The following SUPV3L1 variants were observed in gnomAD, a reference collection of about 807,000 sequenced individuals.
SUPV3L1 encodes ATP-dependent RNA helicase SUPV3L1, mitochondrial.
In SUPV3L1, 35 loss-of-function variants were observed where a neutral mutation model predicts 70.0. The ratio of observed to expected loss-of-function variants is 0.50; its 90% CI spans 0.38 to 0.66. SUPV3L1 has a LOEUF of 0.66. Among genes scored for constraint, SUPV3L1 ranks in the 30% least tolerant of loss-of-function variants. The pLI is 0.00. For synonymous variants in SUPV3L1, 364 were observed against 341.9 expected (o/e 1.06, Z -0.71); for missense variants, 777 against 961.5 (o/e 0.81, Z 2.54).
rs145694972 is a variant in SUPV3L1, at chr10:69,185,851, G to T, written c.272-136G>T. 17 of 735,784 alleles carry T rather than the reference G, an allele frequency of 2.3e-5. No homozygotes were observed. The East Asian group carries it at 3.2e-4, about 14-fold the overall frequency. The allele number at this position is 735,784 out of a possible 1,614,324, so 45.6% of individuals were successfully genotyped here. On this transcript the variant is annotated intron_variant, in intron 1 of 14. Transcript: ENST00000359655. ...CATCGCATATGAATTCATAAAGAAG[G>T]ATCGACTAAAACCTTCTAGTTCTTG...
chr10:69,198,696 T>C, intron 9 of SUPV3L1, 144 bp downstream of exon 9: 1 of 744,930 alleles, frequency 1.3e-6, no homozygotes, highest in Non-Finnish European at 2.1e-6. Flanking sequence ...ATAAAATAAA[T>C]AATTTTCTAT....
At chr10:69,184,637 A>ACACACACACG (rs1842165885) in intron 1 of SUPV3L1, among the ~76,000 whole-genome samples, 1 of 151,654 alleles carries the variant, frequency 6.6e-6, no homozygotes. Context: ...ACACACACAC[A>ACACACACACG]CACACACACA....
intron 1 of SUPV3L1, chr10:69,182,745 G>T (rs1045102734): frequency 1.2e-5 from 11 of 903,376 alleles, no homozygotes; most frequent in Admixed American, 1.2e-4. Flanking sequence ...TACAGAAGAT[G>T]GTGCATTACT....
At chr10:69,189,187 G>A (rs562053236) in intron 4 of SUPV3L1, 80 bp from the exon 5 acceptor site, 37 of 1,431,390 alleles carry the variant, frequency 2.6e-5, no homozygotes, top group Non-Finnish European at 3.3e-5. Context: ...TATTTCATTT[G>A]GAATTTGTTT....
intron 11 of SUPV3L1, among the ~76,000 whole-genome samples, chr10:69,200,759 C>T (rs1842662959): frequency 6.6e-6 from 1 of 152,148 alleles, no homozygotes; most frequent in Non-Finnish European, 1.5e-5. Flanking sequence ...TTACTTCCTT[C>T]CGGAATCTAG....
chr10:69,202,024 A>G (rs901532645), intron 11 of SUPV3L1, among the ~76,000 whole-genome samples: 1 of 150,830 alleles, frequency 6.6e-6, no homozygotes, highest in Admixed American at 6.6e-5. Context: ...CATTTTTAGT[A>G]GAGACGGGGT....
In SUPV3L1 at chr10:69,208,965, A is replaced by G. The variant is rs1357835527; in HGVS notation, c.2291A>G (p.Lys764Arg). ...ATGACACAACAAACTGAACACAACA[A>G]AGAAAAAACAGAGTCTGGGACTCAT... The part of the protein sequence containing the change: ...EWMTQQTEHN[K>R]EKTESGTHPK... The change falls in exon 15 of 15, where the codon AAA becomes AGA. Residue 764 changes from lysine (K) to arginine (R), a missense_variant. Transcript: ENST00000359655. 2 of 1,614,164 alleles carry G rather than the reference A, an allele frequency of 1.2e-6. No homozygotes were observed. Among genetic ancestry groups the G allele is most frequent in the Admixed American group, 3.3e-5 (2 of 60,024 alleles).
chr10:69,195,331 G>C, intron 7 of SUPV3L1, 66 bp downstream of exon 7: 1 of 1,257,354 alleles, frequency 8.0e-7, no homozygotes, highest in African/African-American at 1.5e-5. Context: ...ATTTTTATCT[G>C]CTTGCCATTG....
chr10:69,201,988 G>A (rs1429062348), intron 11 of SUPV3L1, among the ~76,000 whole-genome samples: 2 of 151,704 alleles, frequency 1.3e-5, no homozygotes, highest in Admixed American at 1.3e-4. Context: ...TTACAGGCAC[G>A]CAGCACCACA....
chr10:69,208,360 G>A (rs1842890526), intron 14 of SUPV3L1, among the ~76,000 whole-genome samples: 2 of 152,336 alleles, frequency 1.3e-5, no homozygotes, highest in South Asian at 4.1e-4. Flanking sequence ...TCAAAGGAGG[G>A]GCATGTCCCT....
intron 8 of SUPV3L1, among the ~76,000 whole-genome samples, chr10:69,197,867 TTTGAA>T (rs1187448494): frequency 6.6e-6 from 1 of 152,160 alleles, no homozygotes; most frequent in Non-Finnish European, 1.5e-5. Flanking sequence ...AGGAAATAGT[TTTGAA>T]TTAGCCTGTT....
chr10:69,202,410 C>T, intron 11 of SUPV3L1, 29 bp from the exon 12 acceptor site: 1 of 1,584,044 alleles, frequency 6.3e-7, no homozygotes, highest in Non-Finnish European at 8.6e-7. Context: ...AAAAAATCAG[C>T]TTATGATTGT....
rs779638539 is a variant in SUPV3L1, at chr10:69,202,539, C to T, written c.1599+20C>T. 6.2e-7 allele frequency: 1 copy of T among 1,602,544 alleles called. No individual in the cohort carries two copies. The highest frequency in any genetic ancestry group is 8.5e-7 in the Non-Finnish European group (1 of 1,171,618). On this transcript the variant is annotated intron_variant, in intron 12 of 14. Coordinates refer to ENST00000359655, the MANE Select transcript of SUPV3L1 (RefSeq NM_003171.5). ...CTCATTGTAAGTGGAAACTCCCTTT[C>T]ACATCTCCCCTAAAAATGTTGATAT...
chr10:69,200,478 G>C lies in SUPV3L1; in HGVS notation c.1497G>C (p.Lys499Asn). Residue 499 changes from lysine (K) to asparagine (N), a missense_variant, in exon 11 of 15, where the codon AAG (lysine) becomes AAC (asparagine). By Grantham distance (94) the Lys-to-Asn change is moderately conservative (BLOSUM62 0). Around this residue, in one of 2 missense-constraint regions of SUPV3L1, gnomAD observed 619 missense variants for 823.3 expected, o/e 0.75. Transcript: ENST00000359655. ...EDLSLLKEIL[K>N]RPVDPIRAAG... ...TCAGTTTATTAAAGGAAATTTTGAA[G>C]AGGCCTGTGGATCCTATAAGGGTAA... 1 of 1,613,882 alleles carries C rather than the reference G, an allele frequency of 6.2e-7. No homozygotes were observed. The highest frequency in any genetic ancestry group is 8.5e-7 in the Non-Finnish European group (1 of 1,179,862).
chr10:69,205,010 G>A (rs1325528863), intron 13 of SUPV3L1, among the ~76,000 whole-genome samples: 1 of 152,018 alleles, frequency 6.6e-6, no homozygotes, highest in African/African-American at 2.4e-5. Context: ...AGCTCAAGCA[G>A]TCCACCTGCC....
At chr10:69,197,664 G>A (rs1475028447) in intron 8 of SUPV3L1, among the ~76,000 whole-genome samples, 1 of 152,066 alleles carries the variant, frequency 6.6e-6, no homozygotes, top group Non-Finnish European at 1.5e-5. Context: ...CAGCCTCCTG[G>A]ACTCAAGTGA....
intron 1 of SUPV3L1, among the ~76,000 whole-genome samples, chr10:69,181,414 G>A (rs1707540808): frequency 6.6e-6 from 1 of 152,144 alleles, no homozygotes; most frequent in Admixed American, 6.6e-5. Flanking sequence ...CTAAAATATA[G>A]ACTACAATAT....
chr10:69,180,764 G>T (rs1384404019), intron 1 of SUPV3L1, among the ~76,000 whole-genome samples: 1 of 152,172 alleles, frequency 6.6e-6, no homozygotes, highest in Non-Finnish European at 1.5e-5. Flanking sequence ...TTAACGCCTC[G>T]TCCCAGAAGC....
intron 13 of SUPV3L1, among the ~76,000 whole-genome samples, chr10:69,207,125 T>C (rs1049908598): frequency 2.6e-5 from 4 of 152,212 alleles, no homozygotes; most frequent in African/African-American, 7.2e-5. Flanking sequence ...TGTCTGTCCA[T>C]AGCTTTAGAA....
Sources: allele counts gnomAD v4.1 joint callset (sites outside exome capture counted in the v4.1 genomes callset), GRCh38; gene constraint gnomAD v4.1.1; regional missense constraint gnomAD v4.1.1; transcripts MANE v1.5; gene names NCBI Gene and HGNC (gene_info 2026-07-23, HGNC 2026-07-21).